PLD1: variants seen among roughly 807,000 people sequenced by gnomAD.
PLD1 encodes the protein phospholipase D1.
A neutral mutation model predicts 137.1 loss-of-function variants in PLD1; 112 were observed. That is an observed-to-expected ratio of 0.82 (90% CI 0.70 to 0.96). The LOEUF (loss-of-function observed/expected upper bound fraction) is 0.96, where lower values mean the gene tolerates loss of function less well. PLD1 is among the 40% of genes least tolerant of loss of function. The pLI is 0.00. For synonymous variants in PLD1, 431 were observed against 454.7 expected, an observed-to-expected ratio of 0.95 and a Z score of 0.66; for missense variants, 1,321 against 1,342.0, an observed-to-expected ratio of 0.98 and a Z score of 0.24.
chr3:171,714,306 A>T (rs1276805160), intron 8 of PLD1, among the ~76,000 whole-genome samples: 1 of 152,232 alleles, frequency 6.6e-6, no homozygotes, highest in Non-Finnish European at 1.5e-5. Flanking sequence ...TAATGGCAAA[A>T]CTGGAGGAAT....
chr3:171,708,897 T>C (rs1370301321), intron 10 of PLD1, 59 bp from the exon 11 acceptor site: 3 of 1,125,940 alleles, frequency 2.7e-6, no homozygotes, highest in South Asian at 1.3e-5. Flanking sequence ...AAGAAACTTA[T>C]CTTATGGTAA....
chr3:171,664,533 C>T (rs1184380890), intron 19 of PLD1, among the ~76,000 whole-genome samples: 2 of 151,668 alleles, frequency 1.3e-5, no homozygotes, highest in Non-Finnish European at 2.9e-5. Flanking sequence ...TCTCAGCTCA[C>T]TGAAACCTCT....
At chr3:171,806,569 C>T (rs548540032) in intron 1 of PLD1, among the ~76,000 whole-genome samples, 9 of 152,240 alleles carry the variant, frequency 5.9e-5, no homozygotes, top group Non-Finnish European at 1.0e-4. Context: ...CCAGACCTTG[C>T]AGAGCTACAG....
At chr3:171,663,826 T>C (rs1049661333) in intron 19 of PLD1, among the ~76,000 whole-genome samples, 1 of 152,204 alleles carries the variant, frequency 6.6e-6, no homozygotes, top group Admixed American at 6.5e-5. Flanking sequence ...TCAACTGATA[T>C]TGAAAATAAA....
chr3:171,707,008 C>A (rs1350113252), intron 11 of PLD1, among the ~76,000 whole-genome samples: 1 of 152,176 alleles, frequency 6.6e-6, no homozygotes, highest in Non-Finnish European at 1.5e-5. Context: ...GAGATCATGT[C>A]CTTTGCAGCA....
chr3:171,670,511 C>A (rs1712635879), intron 19 of PLD1, among the ~76,000 whole-genome samples: 1 of 152,154 alleles, frequency 6.6e-6, no homozygotes, highest in Admixed American at 6.5e-5. Flanking sequence ...TTAACTCCAG[C>A]CAGTCTGTAG....
chr3:171,738,135 G>A, intron 1 of PLD1, 53 bp from the exon 2 acceptor site: 2 of 1,079,580 alleles, frequency 1.9e-6, no homozygotes, highest in Non-Finnish European at 2.7e-6. Flanking sequence ...AACATAAAAT[G>A]CTATTCCACA....
In PLD1 at chr3:171,638,353, T is replaced by C. The variant is rs9845959; in HGVS notation, c.2593+4487A>G. On this transcript the variant is annotated intron_variant, in intron 23 of 26. Transcript: ENST00000351298. ...AGGCTACATTAAATTTTTAAATTTA[T>C]TTAAAAATAAAATAATTGTACCATG... is the stretch of plus-strand genomic sequence containing the variant. 6.8e-3 allele frequency among the ~76,000 whole-genome samples: 1,040 copies of C among 152,278 alleles called. 11 individuals carry two copies. Among genetic ancestry groups the C allele is most frequent in the African/African-American group, 0.02 (821 of 41,552 alleles).
intron 1 of PLD1, among the ~76,000 whole-genome samples, chr3:171,753,156 ACTCT>A (rs1720779736): frequency 6.6e-6 from 1 of 152,116 alleles, no homozygotes; most frequent in Non-Finnish European, 1.5e-5. Context: ...CTGCAGCCAG[ACTCT>A]GCTCAGTGGG....
intron 1 of PLD1, among the ~76,000 whole-genome samples, chr3:171,790,554 G>A (rs1463625952): frequency 6.6e-6 from 1 of 152,200 alleles, no homozygotes; most frequent in African/African-American, 2.4e-5. Flanking sequence ...TGAGATTTAT[G>A]ATAATTTAGA....
chr3:171,805,189 G>A (rs78652329), intron 1 of PLD1, among the ~76,000 whole-genome samples: 4 of 152,090 alleles, frequency 2.6e-5, no homozygotes, highest in East Asian at 1.9e-4. Flanking sequence ...TCTTTTGTGC[G>A]TCAGAGGCTT....
rs576537069 is a variant in PLD1 at position 171,639,661 on chromosome 3, C to CT, written c.2593+3178_2593+3179insA. ...ATATATATTATATATAATATATATT[C>CT]ATATAATATATATTATATATAATAC... is the stretch of plus-strand genomic sequence containing the variant. On this transcript the variant is annotated intron_variant, in intron 23 of 26. Transcript: ENST00000351298. 1.7e-3 allele frequency among the ~76,000 whole-genome samples: 182 copies of CT among 106,874 alleles called. 1 individual carries two copies. The highest frequency in any genetic ancestry group is 5.3e-3 in the Admixed American group (43 of 8,076). 70.1% of individuals were successfully genotyped at this position (106,874 alleles called of 152,430 possible).
In PLD1 at chr3:171,808,815, A is replaced by ATTTTTTTTTTTT. The variant is rs60146546; in HGVS notation, c.-32+1572_-32+1583dup. Among the ~76,000 whole-genome samples the ATTTTTTTTTTTT allele has an allele frequency of 7.7e-4, 66 of 86,232 alleles. 4 individuals carry two copies. Among genetic ancestry groups the ATTTTTTTTTTTT allele is most frequent in the South Asian group, 1.6e-3 (3 of 1,888 alleles). The allele number at this position is 86,232 out of a possible 152,430, so 56.6% of individuals were successfully genotyped here. A position where few individuals can be genotyped will look rare whatever the true frequency, so the allele number is the denominator to read the frequency against. ...TTTTTCCTCAAAGCCTTAGCATTCA[A>ATTTTTTTTTTTT]TTTTTTTTTTTTTTTTTTTTTTTTT... On this transcript the variant is annotated intron_variant, in intron 1 of 26. Transcript: ENST00000351298.
At chr3:171,785,261 A>G (rs1200875372) in intron 1 of PLD1, among the ~76,000 whole-genome samples, 1 of 152,252 alleles carries the variant, frequency 6.6e-6, no homozygotes, top group African/African-American at 2.4e-5. Context: ...AGTGAGCCAC[A>G]TATATAATTT....
chr3:171,735,580 C>G lies in PLD1; in HGVS notation c.346G>C (p.Val116Leu), dbSNP rs761815873. The G allele has an allele frequency of 6.3e-7, 1 of 1,589,040 alleles. No homozygotes were observed. The change falls in exon 4 of 27, where the codon GTT becomes CTT. Residue 116 changes from valine to leucine, a missense_variant. Coordinates refer to ENST00000351298, the MANE Select transcript of PLD1 (RefSeq NM_002662.5). ...ELTHGEFKWQ[V>L]KRKFKHFQEF... ...TGAAAATGCTTGAATTTCCTCTTAA[C>G]TTGCCATTTAAATTCCCCATGTGTT...
At chr3:171,689,486 CCCT>C (rs2108514043) in intron 13 of PLD1, among the ~76,000 whole-genome samples, 1 of 147,292 alleles carries the variant, frequency 6.8e-6, no homozygotes, top group African/African-American at 2.5e-5. Context: ...TTCCTTCCTT[CCCT>C]CCTTCCTTCC....
intron 21 of PLD1, among the ~76,000 whole-genome samples, chr3:171,646,992 G>C (rs569451933): frequency 4.6e-5 from 7 of 152,272 alleles, no homozygotes; most frequent in Non-Finnish European, 7.4e-5. Flanking sequence ...AAGCCACTTG[G>C]CTCTTCCAGT....
At chr3:171,729,648 G>T (rs912977462) in intron 6 of PLD1, among the ~76,000 whole-genome samples, 3 of 152,192 alleles carry the variant, frequency 2.0e-5, no homozygotes, top group Non-Finnish European at 4.4e-5. Context: ...GAACAAAGAG[G>T]ACATCTAATC....
At chr3:171,755,103 G>A (rs1455167102) in intron 1 of PLD1, among the ~76,000 whole-genome samples, 3 of 152,036 alleles carry the variant, frequency 2.0e-5, no homozygotes, top group South Asian at 2.1e-4. Context: ...TGGGCCACAC[G>A]AACTATCTGC....
Sources: allele counts gnomAD v4.1 joint callset (sites outside exome capture counted in the v4.1 genomes callset), GRCh38; gene constraint gnomAD v4.1.1; transcripts MANE v1.5; gene names NCBI Gene and HGNC (gene_info 2026-07-23, HGNC 2026-07-21).